CCDC40: variants seen among roughly 807,000 people sequenced by gnomAD.
The protein encoded by CCDC40 is coiled-coil domain 40 molecular ruler complex subunit.
Under a neutral mutation model 124.5 loss-of-function variants are expected in CCDC40, and 104 were observed. That is an observed-to-expected ratio of 0.84 (90% CI 0.71 to 0.98). The LOEUF (loss-of-function observed/expected upper bound fraction) is 0.98, where lower values mean the gene tolerates loss of function less well. CCDC40 is among the 50% of genes least tolerant of loss of function. The pLI is 0.00. For synonymous variants in CCDC40, 580 were observed against 602.9 expected, an observed-to-expected ratio of 0.96 and a Z score of 0.56; for missense variants, 1,463 against 1,503.9, an observed-to-expected ratio of 0.97 and a Z score of 0.45.
chr17:80,058,953 C>A lies in CCDC40; in HGVS notation c.1413C>A (p.Thr471=), dbSNP rs2037824553. The A allele has an allele frequency of 6.2e-7, 1 of 1,614,016 alleles. No individual in the cohort carries two copies. The highest frequency in any genetic ancestry group is 1.3e-5 in the African/African-American group (1 of 74,910). Residue 471 remains threonine (T), a synonymous_variant, in exon 9 of 20, where the codon ACC becomes ACA. Transcript: ENST00000397545. The surrounding 1 kb of genome is among the most constrained non-coding windows in gnomAD (Gnocchi z 4.2). The stretch of plus-strand genomic sequence containing the variant: ...AGTACTTGGCCCAAGCTGAGGACAC[C>A]CGGATTTTAAGGAAAGCAGTGAGTG... ...EAQYLAQAED[T]RILRKAVSEA... is the part of the protein sequence containing the mutation.
intron 5 of CCDC40, among the ~76,000 whole-genome samples, chr17:80,049,397 G>A (rs548588724): frequency 1.2e-4 from 16 of 129,432 alleles, no homozygotes; most frequent in Middle Eastern, 6.3e-3. Flanking sequence ...CAATAAGAGC[G>A]AAACTCTGTC....
intron 10 of CCDC40, chr17:80,067,852 G>A (rs1418776200): frequency 2.2e-5 from 30 of 1,394,690 alleles, no homozygotes; most frequent in Non-Finnish European, 2.2e-5. Context: ...GTGCCAATCC[G>A]ATTGATGAAG....
At chr17:80,095,186 G>T (rs1179186339) in intron 17 of CCDC40, 77 bp from the exon 18 acceptor site, 11 of 1,409,046 alleles carry the variant, frequency 7.8e-6, no homozygotes, top group Non-Finnish European at 9.0e-6. Context: ...GATGAGCGAG[G>T]CCAGCGCCCC....
chr17:80,048,861 G>A, intron 5 of CCDC40, 100 bp downstream of exon 5: 1 of 1,075,448 alleles, frequency 9.3e-7, no homozygotes, highest in Non-Finnish European at 1.4e-6. Flanking sequence ...GACCCTAAAT[G>A]CTGTACTTGT....
chr17:80,037,688 A>AAAAAAAAAAATATATATATATATAT, intron 1 of CCDC40, among the ~76,000 whole-genome samples: 12 of 45,706 alleles, frequency 2.6e-4, no homozygotes, highest in African/African-American at 6.5e-4. Flanking sequence ...TTTTTTAAAA[A>AAAAAAAAAAATATATATATATATAT]AGATATACAT....
rs2037816908 is a variant in CCDC40 at position 80,058,721 on chromosome 17, G to A, written c.1317+70G>A. On this transcript the variant is annotated intron_variant, in intron 8 of 19. Coordinates refer to ENST00000397545, the MANE Select transcript of CCDC40 (RefSeq NM_017950.4). This position sits in a 1 kb window ranked among gnomAD's most constrained non-coding sequence, Gnocchi z 4.2. ...GAGCTTCAAAAAGGGGCTCAGCTTT[G>A]CCTCCTGCGTGAAGGCTTCCGGCCG... 6.2e-7 allele frequency: 1 copy of A among 1,605,166 alleles called. No homozygotes were observed. Among genetic ancestry groups the A allele is most frequent in the African/African-American group, 1.3e-5 (1 of 74,720 alleles).
At chr17:80,038,473 G>C (rs1253605869) in intron 2 of CCDC40, among the ~76,000 whole-genome samples, 1 of 151,978 alleles carries the variant, frequency 6.6e-6, no homozygotes, top group Non-Finnish European at 1.5e-5. Flanking sequence ...AGAGGTTGCA[G>C]TGAGCCAAGA....
At chr17:80,047,729 C>T (rs541865144) in intron 4 of CCDC40, among the ~76,000 whole-genome samples, 56 of 152,324 alleles carry the variant, frequency 3.7e-4, no homozygotes, top group African/African-American at 1.3e-3. Flanking sequence ...CATCCCCTGA[C>T]AGCCATTTCT....
At chr17:80,055,221 G>C (rs1052010852) in intron 7 of CCDC40, among the ~76,000 whole-genome samples, 3 of 152,216 alleles carry the variant, frequency 2.0e-5, no homozygotes, top group East Asian at 3.9e-4. Context: ...TGTTTTGGAG[G>C]CTCCAGCAAC....
In CCDC40 at chr17:80,066,146, C is replaced by T. The variant is rs115885727; in HGVS notation, c.1562+540C>T. 9.5e-4 allele frequency: 668 copies of T among 702,892 alleles called. 1 individual carries two copies. The African/African-American group carries it at 0.011, about 11-fold the overall frequency. 43.5% of individuals were successfully genotyped at this position (702,892 alleles called of 1,614,324 possible). A position where few individuals can be genotyped will look rare whatever the true frequency, so the allele number is the denominator to read the frequency against. On this transcript the variant is annotated intron_variant, in intron 10 of 19. Coordinates refer to ENST00000397545, the MANE Select transcript of CCDC40 (RefSeq NM_017950.4). This position sits in a 1 kb window ranked among gnomAD's most constrained non-coding sequence, Gnocchi z 4.4. ...CACCCAGGGTGACCAGGTCTCGGGA[C>T]GCGGAAAGAAAAAGCCGGGCACTGT...
chr17:80,063,553 G>T (rs1009448048), intron 9 of CCDC40, among the ~76,000 whole-genome samples: 10 of 152,280 alleles, frequency 6.6e-5, no homozygotes, highest in Admixed American at 5.2e-4. Context: ...CCCACCTGCT[G>T]CCTGGGCCAG....
intron 10 of CCDC40, among the ~76,000 whole-genome samples, chr17:80,069,399 G>A (rs2038132381): frequency 6.6e-6 from 1 of 152,174 alleles, no homozygotes; most frequent in Non-Finnish European, 1.5e-5. Flanking sequence ...GGTCATAAAA[G>A]TTCAGGAGAA....
chr17:80,072,415 C>T (rs1389862840), intron 10 of CCDC40, among the ~76,000 whole-genome samples: 1 of 152,148 alleles, frequency 6.6e-6, no homozygotes, highest in African/African-American at 2.4e-5. Context: ...GCACACATTT[C>T]CCCGAGTGTT....
At chr17:80,067,611 G>A (rs544228027) in intron 10 of CCDC40, 34 of 1,536,210 alleles carry the variant, frequency 2.2e-5, no homozygotes, top group Middle Eastern at 1.7e-4. Context: ...CTTCCTGCCC[G>A]GGGCATCGAG....
chr17:80,087,981 C>A lies in CCDC40; in HGVS notation c.2620-30C>A. ...GCATCCACAATCCCATGGCCCTCCC[C>A]ACAGCTGTCCCGCCCCCTCCCCCAT... On this transcript the variant is annotated intron_variant, in intron 15 of 19. Coordinates refer to ENST00000397545, the MANE Select transcript of CCDC40 (RefSeq NM_017950.4). The surrounding 1 kb of genome is among the most constrained non-coding windows in gnomAD (Gnocchi z 4.5). The A allele has an allele frequency of 6.5e-7, 1 of 1,540,088 alleles. No homozygotes were observed. Among genetic ancestry groups the A allele is most frequent in the Non-Finnish European group, 9.0e-7 (1 of 1,112,728 alleles).
intron 3 of CCDC40, among the ~76,000 whole-genome samples, chr17:80,044,708 A>AT (rs1568671567): frequency 2.8e-5 from 1 of 35,900 alleles, no homozygotes; most frequent in Non-Finnish European, 6.8e-5. Context: ...CAAACAAACA[A>AT]AAAAAAAAAT....
intron 10 of CCDC40, among the ~76,000 whole-genome samples, chr17:80,073,910 T>C (rs1205700234): frequency 1.3e-5 from 2 of 152,050 alleles, no homozygotes; most frequent in African/African-American, 4.8e-5. Flanking sequence ...GGTCTCGAAC[T>C]CCTGACGTCA....
chr17:80,072,251 T>G (rs2038210388), intron 10 of CCDC40, among the ~76,000 whole-genome samples: 1 of 151,648 alleles, frequency 6.6e-6, no homozygotes, highest in Admixed American at 6.6e-5. Flanking sequence ...ATCTACGGAG[T>G]TTTTAAAGTA....
chr17:80,047,481 C>T, intron 4 of CCDC40, 79 bp downstream of exon 4: 7 of 1,464,998 alleles, frequency 4.8e-6, no homozygotes, highest in South Asian at 3.6e-5. Context: ...GGATGCCACT[C>T]GTTTGTCATC....
Sources: gnomAD v4.1 joint callset for allele counts (sites outside exome capture counted in the v4.1 genomes callset) on GRCh38, gnomAD v4.1.1 for gene constraint, Gnocchi (gnomAD v3.1) non-coding constraint, MANE v1.5 for transcripts, NCBI Gene and HGNC (gene_info 2026-07-23, HGNC 2026-07-21) for gene names.